RREB1: variants seen among roughly 807,000 people sequenced by gnomAD.
RREB1 encodes ras responsive element binding protein 1, also known as ras-responsive element-binding protein 1.
RREB1 carries 27 observed loss-of-function variants against 117.8 expected under a neutral mutation model. The observed-to-expected ratio is 0.23, with a 90% CI of 0.17 to 0.32. The LOEUF (loss-of-function observed/expected upper bound fraction) is 0.32, where lower values mean the gene tolerates loss of function less well. Among genes scored for constraint, RREB1 ranks in the 10% least tolerant of loss-of-function variants. The pLI is 1.00. For synonymous variants in RREB1, 1,298 were observed against 1,026.7 expected, an observed-to-expected ratio of 1.26 and a Z score of -5.05; for missense variants, 2,577 against 2,378.2, an observed-to-expected ratio of 1.08 and a Z score of -1.74.
chr6:7,176,115 C>T (rs1764486513), intron 1 of RREB1, among the ~76,000 whole-genome samples: 1 of 152,172 alleles, frequency 6.6e-6, no homozygotes, highest in Non-Finnish European at 1.5e-5. Flanking sequence ...CAGGGTTTCA[C>T]CATGTTGTCC....
At chr6:7,117,204 T>G (rs1196981927) in intron 1 of RREB1, among the ~76,000 whole-genome samples, 2 of 152,140 alleles carry the variant, frequency 1.3e-5, no homozygotes, top group African/African-American at 4.8e-5. Context: ...TTCACTGTTT[T>G]AAGGGAGCTC....
At chr6:7,213,941 A>C (rs1766753252) in intron 8 of RREB1, 1 of 152,282 alleles carries the variant, frequency 6.6e-6, no homozygotes, top group Non-Finnish European at 1.5e-5. Context: ...ATTTCTGAGC[A>C]GTCCAAGCCT....
chr6:7,142,518 C>T (rs1194440418), intron 1 of RREB1, among the ~76,000 whole-genome samples: 1 of 152,262 alleles, frequency 6.6e-6, no homozygotes, highest in Non-Finnish European at 1.5e-5. Flanking sequence ...TCAGGCTGTT[C>T]CGGTGGCTAA....
intron 6 of RREB1, among the ~76,000 whole-genome samples, chr6:7,204,500 T>C (rs1766162661): frequency 6.6e-6 from 1 of 152,310 alleles, no homozygotes; most frequent in East Asian, 1.9e-4. Context: ...CTTAATCTTA[T>C]TCGTTCCCTC....
At chr6:7,193,252 A>G (rs569811158) in intron 6 of RREB1, among the ~76,000 whole-genome samples, 6 of 152,344 alleles carry the variant, frequency 3.9e-5, no homozygotes, top group East Asian at 1.9e-4. Context: ...ATCACCTAAC[A>G]TATGGTTTAT....
rs1323679393 is a variant in RREB1, at chr6:7,230,607, G to A, written c.2508G>A (p.Ala836=). ...CCGACGGCCTGGGCCCCGCAGAGGC[G>A]CCGGCCGCTGAGGCGTCGGGGCGCG... ...LAADGLGPAE[A]PAAEASGRGE... is the part of the protein sequence containing the mutation. The change falls in exon 10 of 13, where the codon GCG becomes GCA. Residue 836 remains alanine, a synonymous_variant. Transcript: ENST00000379938. The A allele has an allele frequency of 3.7e-6, 6 of 1,602,928 alleles. No individual in the cohort carries two copies. Among genetic ancestry groups the A allele is most frequent in the South Asian group, 1.1e-5 (1 of 90,280 alleles).
intron 1 of RREB1, among the ~76,000 whole-genome samples, chr6:7,151,167 C>T (rs927871266): frequency 2.0e-5 from 3 of 152,150 alleles, no homozygotes; most frequent in Non-Finnish European, 2.9e-5. Flanking sequence ...GCCCCCTTCA[C>T]GTAATCCTAT....
At chr6:7,176,439 T>C (rs910988857) in intron 1 of RREB1, among the ~76,000 whole-genome samples, 6 of 152,158 alleles carry the variant, frequency 3.9e-5, no homozygotes, top group African/African-American at 1.2e-4. Flanking sequence ...GGGGTGTTCC[T>C]GTCTGTTCAA....
At chr6:7,221,185 G>C (rs1188461517) in intron 8 of RREB1, among the ~76,000 whole-genome samples, 2 of 150,304 alleles carry the variant, frequency 1.3e-5, no homozygotes, top group Non-Finnish European at 3.0e-5. Context: ...TTTTTGAGAC[G>C]GAGTCTCGCT....
At chr6:7,153,641 C>G (rs1763230570) in intron 1 of RREB1, among the ~76,000 whole-genome samples, 1 of 152,126 alleles carries the variant, frequency 6.6e-6, no homozygotes, top group African/African-American at 2.4e-5. Context: ...GGTAGAAATT[C>G]TGGCTGATTT....
chr6:7,136,038 C>T (rs147896791), intron 1 of RREB1, among the ~76,000 whole-genome samples: 141 of 152,298 alleles, frequency 9.3e-4, no homozygotes, highest in African/African-American at 3.2e-3. Context: ...AGTACCTCCT[C>T]CAACTGTTGG....
At chr6:7,132,142 C>T (rs1024238602) in intron 1 of RREB1, among the ~76,000 whole-genome samples, 1 of 152,162 alleles carries the variant, frequency 6.6e-6, no homozygotes, top group Non-Finnish European at 1.5e-5. Flanking sequence ...GCAGCCTCTG[C>T]CTCCCGGGTT....
chr6:7,109,251 G>GC (rs552947234), intron 1 of RREB1, among the ~76,000 whole-genome samples: 2,465 of 151,010 alleles, frequency 0.016, 62 homozygotes, highest in African/African-American at 0.052. Flanking sequence ...GCCTGTTGCT[G>GC]CCCCCCCCGC....
chr6:7,159,667 G>A (rs1763552507), intron 1 of RREB1, among the ~76,000 whole-genome samples: 1 of 152,184 alleles, frequency 6.6e-6, no homozygotes, highest in South Asian at 2.1e-4. Context: ...GGTGTTGCCA[G>A]TGTTTTTACT....
intron 1 of RREB1, among the ~76,000 whole-genome samples, chr6:7,114,857 A>G (rs1322133039): frequency 1.3e-5 from 2 of 152,220 alleles, no homozygotes; most frequent in Non-Finnish European, 2.9e-5. Flanking sequence ...AAAACAAACT[A>G]GATTCATTGG....
chr6:7,209,228 TATC>T (rs1483082618), intron 6 of RREB1, among the ~76,000 whole-genome samples: 1 of 152,230 alleles, frequency 6.6e-6, no homozygotes, highest in Admixed American at 6.5e-5. Context: ...AATATTCTCA[TATC>T]AACTGTAGAA....
chr6:7,177,976 G>C (rs1247646291), intron 2 of RREB1, among the ~76,000 whole-genome samples: 1 of 152,122 alleles, frequency 6.6e-6, no homozygotes, highest in East Asian at 1.9e-4. Context: ...GCCTACCCTG[G>C]CCTCCCAAAG....
chr6:7,224,507 G>C (rs1767464755), intron 8 of RREB1, among the ~76,000 whole-genome samples: 1 of 151,916 alleles, frequency 6.6e-6, no homozygotes, highest in Non-Finnish European at 1.5e-5. Flanking sequence ...TTGAACTTGA[G>C]CATGGGGGAA....
At chr6:7,227,916 A>C (rs1220524631) in intron 9 of RREB1, among the ~76,000 whole-genome samples, 1 of 152,148 alleles carries the variant, frequency 6.6e-6, no homozygotes, top group African/African-American at 2.4e-5. Context: ...AAGTATAAAA[A>C]ATTAGCTGGG....
Sources: gnomAD v4.1 joint callset for allele counts (sites outside exome capture counted in the v4.1 genomes callset) on GRCh38, gnomAD v4.1.1 for gene constraint, MANE v1.5 for transcripts, NCBI Gene and HGNC (gene_info 2026-07-23, HGNC 2026-07-21) for gene names.